The following PIK3R5 variants were observed in gnomAD, a reference collection of about 807,000 sequenced individuals.
The protein encoded by PIK3R5 is phosphoinositide-3-kinase regulatory subunit 5.
PIK3R5 carries 32 observed loss-of-function variants against 94.9 expected under a neutral mutation model. That is an observed-to-expected ratio of 0.34 (90% CI 0.25 to 0.45). The LOEUF is 0.45. Among genes scored for constraint, PIK3R5 ranks in the 20% least tolerant of loss-of-function variants. The probability of loss-of-function intolerance (pLI) is 1.00; values close to 1 mark genes in which losing one functional copy is unlikely to be tolerated. For synonymous variants in PIK3R5, 443 were observed against 479.4 expected (o/e 0.92, Z 0.99); for missense variants, 853 against 1,144.6 (o/e 0.75, Z 3.68).
At chr17:8,928,621 A>G (rs2090933494) in intron 1 of PIK3R5, among the ~76,000 whole-genome samples, 1 of 152,242 alleles carries the variant, frequency 6.6e-6, no homozygotes, top group Non-Finnish European at 1.5e-5. Flanking sequence ...TTGCTGAAGG[A>G]CAAGCACTGT....
Position 8,925,485 on chromosome 17 carries a change from TG to T in PIK3R5, c.-13-13979del, listed in dbSNP as rs2090864124. ...AGATGGATGATAGATAGATAGTAGA[TG>T]GATAGATAGTAGATGGATAGATAGT... On this transcript the variant is annotated intron_variant, in intron 1 of 18. Transcript: ENST00000447110. The surrounding 1 kb of genome is among the most constrained non-coding windows in gnomAD (Gnocchi z 5.1). Among the ~76,000 whole-genome samples the T allele has an allele frequency of 2.1e-5, 3 of 141,678 alleles. No homozygotes were observed. Among genetic ancestry groups the T allele is most frequent in the Admixed American group, 2.0e-4 (3 of 14,772 alleles). 92.9% of individuals were successfully genotyped at this position (141,678 alleles called of 152,430 possible). A position where few individuals can be genotyped will look rare whatever the true frequency, so the allele number is the denominator to read the frequency against.
At position 8,881,896 on chromosome 17, in the gene PIK3R5, T is replaced by A; in HGVS notation, c.2206-15A>T. 1 of 1,605,000 alleles carries A rather than the reference T, an allele frequency of 6.2e-7. No individual in the cohort carries two copies. Among genetic ancestry groups the A allele is most frequent in the Non-Finnish European group, 8.5e-7 (1 of 1,173,468 alleles). On this transcript the variant is annotated splice_polypyrimidine_tract_variant and intron_variant, in intron 15 of 18. Coordinates refer to ENST00000447110, the MANE Select transcript of PIK3R5 (RefSeq NM_001142633.3). The surrounding 1 kb of genome is among the most constrained non-coding windows in gnomAD (Gnocchi z 4.8). ...CTGATGGCCCCCTGGAAATGCAGTG[T>A]AGCCAGACCCTCTGAGTCCAGAGGC...
intron 6 of PIK3R5, among the ~76,000 whole-genome samples, chr17:8,891,296 C>T (rs569910951): frequency 3.5e-4 from 53 of 152,290 alleles, no homozygotes; most frequent in African/African-American, 1.3e-3. Context: ...GCCAAGCGAT[C>T]AGTTTTCAGG....
chr17:8,905,649 C>A lies in PIK3R5; in HGVS notation c.273+20G>T. The A allele has an allele frequency of 6.3e-7, 1 of 1,575,954 alleles. No homozygotes were observed. The highest frequency in any genetic ancestry group is 2.3e-5 in the East Asian group (1 of 43,234). On this transcript the variant is annotated intron_variant, in intron 4 of 18. Transcript: ENST00000447110. ...CCCCCTCCTCCCTCACCTCCAGCAT[C>A]CTGGCCCACGTGGACTTACACAAAG... is the stretch of plus-strand genomic sequence containing the variant.
intron 1 of PIK3R5, among the ~76,000 whole-genome samples, chr17:8,944,559 T>G (rs2091241818): frequency 6.6e-6 from 1 of 152,204 alleles, no homozygotes; most frequent in Admixed American, 6.5e-5. Context: ...ATTCCATGAT[T>G]TTATTCTGGA....
rs74792752 is a variant in PIK3R5 at position 8,916,635 on chromosome 17, C to T, written c.-13-5128G>A. 9.1e-3 allele frequency: 1,381 copies of T among 152,394 alleles called. 24 individuals are homozygous for T. Among genetic ancestry groups the T allele is most frequent in the African/African-American group, 0.032 (1,310 of 41,542 alleles). The allele number at this position is 152,394 out of a possible 1,614,324, so 9.4% of individuals were successfully genotyped here. On this transcript the variant is annotated intron_variant, in intron 1 of 18. Coordinates refer to ENST00000447110, the MANE Select transcript of PIK3R5 (RefSeq NM_001142633.3). Reference sequence around the variant, plus strand: ...GGGGACCCTGCATGGGGCAGAAAGGCCTGGAGTCGGGGTGGGTTGGTGGGA... The same window carrying T: ...GGGGACCCTGCATGGGGCAGAAAGGTCTGGAGTCGGGGTGGGTTGGTGGGA...
chr17:8,937,265 G>A (rs915960351), intron 1 of PIK3R5, among the ~76,000 whole-genome samples: 7 of 152,008 alleles, frequency 4.6e-5, no homozygotes, highest in African/African-American at 7.2e-5. Context: ...TTTGCTTTAC[G>A]TAGGACTTCC....
Position 8,911,790 on chromosome 17 carries a change from A to C in PIK3R5, c.-13-283T>G, listed in dbSNP as rs2090531426. Reference sequence around the variant, plus strand: ...ATGGGAGCAGAGAGGTGGAAAGGGCACTGGGCAGTGGGAAGTGTCGCCAAG... The same window carrying C: ...ATGGGAGCAGAGAGGTGGAAAGGGCCCTGGGCAGTGGGAAGTGTCGCCAAG... On this transcript the variant is annotated intron_variant, in intron 1 of 18. Coordinates refer to ENST00000447110, the MANE Select transcript of PIK3R5 (RefSeq NM_001142633.3). This position sits in a 1 kb window ranked among gnomAD's most constrained non-coding sequence, Gnocchi z 5.3. 1 of 137,530 alleles carries C rather than the reference A, an allele frequency of 7.3e-6. No homozygotes were observed. The highest frequency in any genetic ancestry group is 1.4e-5 in the Non-Finnish European group (1 of 71,566). The allele number at this position is 137,530 out of a possible 1,614,324, so 8.5% of individuals were successfully genotyped here. A position where few individuals can be genotyped will look rare whatever the true frequency, so the allele number is the denominator to read the frequency against.
intron 1 of PIK3R5, among the ~76,000 whole-genome samples, chr17:8,962,364 T>C (rs989883618): frequency 6.6e-6 from 1 of 152,226 alleles, no homozygotes; most frequent in Non-Finnish European, 1.5e-5. Context: ...CCAGAACCAT[T>C]TGATGAAAAT....
intron 1 of PIK3R5, among the ~76,000 whole-genome samples, chr17:8,920,902 C>T (rs1486640781): frequency 2.1e-4 from 30 of 145,502 alleles, no homozygotes; most frequent in Middle Eastern, 3.8e-3. Context: ...AGTGCAATGG[C>T]GCAATCTTGG....
chr17:8,888,821 C>G lies in PIK3R5; in HGVS notation c.966G>C (p.Glu322Asp), dbSNP rs1207115603. Reference protein sequence around the residue: ...LQPGILGDDEEEEEEEEEVEE... With the variant: ...LQPGILGDDEDEEEEEEEVEE... ...CCACCTCCTCCTCCTCCTCTTCCTC[C>G]TCTTCATCATCTCCCAGGATCCCTG... Residue 322 changes from glutamate to aspartate, a missense_variant, in exon 10 of 19, where the codon GAG becomes GAC. By Grantham distance (45) the Glu-to-Asp change is conservative. This residue lies in a region of PIK3R5 where 161 missense variants were observed against 249.5 expected (regional missense o/e 0.65). Coordinates refer to ENST00000447110, the MANE Select transcript of PIK3R5 (RefSeq NM_001142633.3). The surrounding 1 kb of genome is among the most constrained non-coding windows in gnomAD (Gnocchi z 7.8). 1.9e-6 allele frequency: 3 copies of G among 1,610,110 alleles called. No individual in the cohort carries two copies. The highest frequency in any genetic ancestry group is 2.5e-6 in the Non-Finnish European group (3 of 1,179,992).
intron 1 of PIK3R5, among the ~76,000 whole-genome samples, chr17:8,942,208 G>T (rs2091193671): frequency 6.6e-6 from 1 of 152,132 alleles, no homozygotes. Context: ...TCGAGCTGGG[G>T]CTGAAATCAG....
chr17:8,894,687 G>A (rs1212418863), intron 5 of PIK3R5, among the ~76,000 whole-genome samples: 1 of 152,208 alleles, frequency 6.6e-6, no homozygotes, highest in Non-Finnish European at 1.5e-5. Context: ...ACCATGACAA[G>A]GAGATGAAAC....
Position 8,888,044 on chromosome 17 carries a change from T to TAATAAA in PIK3R5, c.1616+121_1616+126dup, listed in dbSNP as rs2089920281. 2.1e-5 allele frequency: 6 copies of TAATAAA among 282,354 alleles called. No homozygotes were observed. The highest frequency in any genetic ancestry group is 3.1e-5 in the Non-Finnish European group (5 of 159,742). 17.5% of individuals were successfully genotyped at this position (282,354 alleles called of 1,614,324 possible). A position where few individuals can be genotyped will look rare whatever the true frequency, so the allele number is the denominator to read the frequency against. ...ATAATAATAATAATAATAATAATAA[T>TAATAAA]AATAAAATAAAAATAAATAAGGGAA... On this transcript the variant is annotated intron_variant, in intron 10 of 18. Coordinates refer to ENST00000447110, the MANE Select transcript of PIK3R5 (RefSeq NM_001142633.3). The surrounding 1 kb of genome is among the most constrained non-coding windows in gnomAD (Gnocchi z 7.8).
rs960537717 is a variant in PIK3R5 at position 8,903,416 on chromosome 17, A to G, written c.412+1361T>C. ...TCTTACTCTCCTTTAAAAATACATG[A>G]ATGAATATATACTAAGTGCATAAAT... is the stretch of plus-strand genomic sequence containing the variant. On this transcript the variant is annotated intron_variant, in intron 5 of 18. Transcript: ENST00000447110. Among the ~76,000 whole-genome samples, 6 of 151,378 alleles carry G rather than the reference A, an allele frequency of 4.0e-5. No homozygotes were observed. In the South Asian group the frequency reaches 6.2e-4, roughly 16 times the overall value.
At position 8,884,940 on chromosome 17, in the gene PIK3R5, T is replaced by C; in HGVS notation, c.2129-157A>G. 1 of 630,622 alleles carries C rather than the reference T, an allele frequency of 1.6e-6. No homozygotes were observed. The highest frequency in any genetic ancestry group is 2.9e-6 in the Non-Finnish European group (1 of 350,694). The allele number at this position is 630,622 out of a possible 1,614,324, so 39.1% of individuals were successfully genotyped here. ...CTCACCAAGGCCCTGCCTCTCTCTC[T>C]GGCTCCACGTTCTGGGGATCTCCAC... On this transcript the variant is annotated intron_variant, in intron 14 of 18. Transcript: ENST00000447110. The surrounding 1 kb of genome is among the most constrained non-coding windows in gnomAD (Gnocchi z 5.8).
intron 2 of PIK3R5, among the ~76,000 whole-genome samples, chr17:8,910,495 G>A (rs2090500936): frequency 6.6e-6 from 1 of 152,164 alleles, no homozygotes; most frequent in African/African-American, 2.4e-5. Flanking sequence ...GGATCCCACT[G>A]TCCCTTCAGA....
At chr17:8,894,315 C>G (rs1213174156) in intron 5 of PIK3R5, among the ~76,000 whole-genome samples, 1 of 152,216 alleles carries the variant, frequency 6.6e-6, no homozygotes, top group Non-Finnish European at 1.5e-5. Context: ...TGCCGCTGCC[C>G]CCTCTCCCGG....
At chr17:8,887,331 T>C (rs868258532) in intron 11 of PIK3R5, 110 bp from the exon 12 acceptor site, 2 of 1,469,454 alleles carry the variant, frequency 1.4e-6, no homozygotes, top group Middle Eastern at 2.0e-4. Context: ...CTCCCTGCCC[T>C]TGGGGAAGTA....
Sources: allele counts gnomAD v4.1 joint callset (sites outside exome capture counted in the v4.1 genomes callset), GRCh38; gene constraint gnomAD v4.1.1; regional missense constraint gnomAD v4.1.1; non-coding constraint Gnocchi (gnomAD v3.1); transcripts MANE v1.5; gene names NCBI Gene and HGNC (gene_info 2026-07-23, HGNC 2026-07-21).